The following TSBP1 variants were observed in gnomAD, a reference collection of about 807,000 sequenced individuals.
TSBP1 encodes the protein testis expressed basic protein 1.
Under a neutral mutation model 68.8 loss-of-function variants are expected in TSBP1, and 56 were observed. That is an observed-to-expected ratio of 0.81 (90% CI 0.66 to 1.02). The LOEUF (loss-of-function observed/expected upper bound fraction) is 1.02, where lower values mean the gene tolerates loss of function less well. Ranked by LOEUF, TSBP1 falls within the 50% of genes least tolerant of loss-of-function variation. The pLI, the probability that TSBP1 is intolerant of heterozygous loss-of-function variation, is 0.00. For missense variants in TSBP1, 502 were observed against 641.2 expected, an observed-to-expected ratio of 0.78 and a Z score of 2.34; for synonymous variants, 171 against 208.7, an observed-to-expected ratio of 0.82 and a Z score of 1.56.
rs1293543368 is a variant in TSBP1 at position 32,306,919 on chromosome 6, C to T, written c.581-4290G>A. ...TTGCAGTATTTCCATTTTTTTAGTG[C>T]ATTTTCTTATGATTTTGAGGAAATT... On this transcript the variant is annotated intron_variant, in intron 19 of 22. Transcript: ENST00000612031. This position sits in a 1 kb window ranked among gnomAD's most constrained non-coding sequence, Gnocchi z 5.1. Among the ~76,000 whole-genome samples, 1 of 152,078 alleles carries T rather than the reference C, an allele frequency of 6.6e-6. No homozygotes were observed. The highest frequency in any genetic ancestry group is 1.5e-5 in the Non-Finnish European group (1 of 68,010).
chr6:32,355,523 T>C, intron 7 of TSBP1, 126 bp downstream of exon 7: 2 of 1,229,100 alleles, frequency 1.6e-6, no homozygotes, highest in Non-Finnish European at 2.3e-6. Context: ...GAAAACTTTA[T>C]CTATTGCTTA....
Position 32,295,913 on chromosome 6 carries a change from C to T in TSBP1, c.638-1878G>A, listed in dbSNP as rs866382336. Among the ~76,000 whole-genome samples the T allele has an allele frequency of 3.2e-4, 48 of 148,624 alleles. 1 individual carries two copies. Among genetic ancestry groups the T allele is most frequent in the African/African-American group, 1.1e-3 (46 of 40,156 alleles). On this transcript the variant is annotated intron_variant, in intron 22 of 22. Coordinates refer to ENST00000612031, the Ensembl canonical transcript of TSBP1. The stretch of plus-strand genomic sequence containing the variant: ...AGGCTGGAGTGCAATGGCACGATCT[C>T]GGCTCACCGCAACCTTTGCCTCCCG...
intron 16 of TSBP1, among the ~76,000 whole-genome samples, chr6:32,329,992 G>A (rs1768742264): frequency 6.6e-6 from 1 of 151,618 alleles, no homozygotes; most frequent in Non-Finnish European, 1.5e-5. Flanking sequence ...TGTTCCATGA[G>A]GTGCTCTGTC....
chr6:32,368,943 T>C, intron 2 of TSBP1, 129 bp from the exon 3 acceptor site: 2 of 1,112,296 alleles, frequency 1.8e-6, no homozygotes, highest in Non-Finnish European at 2.5e-6. Flanking sequence ...TAATGCATTG[T>C]TGTTCTCACC....
intron 22 of TSBP1, among the ~76,000 whole-genome samples, chr6:32,294,555 C>A (rs899002350): frequency 6.6e-6 from 1 of 152,192 alleles, no homozygotes; most frequent in Non-Finnish European, 1.5e-5. Context: ...TGTATTAAAT[C>A]ATTTGATACT....
rs1769340881 is a variant in TSBP1, at chr6:32,333,849, C to T, written c.472+1588G>A. On this transcript the variant is annotated intron_variant, in intron 14 of 22. Transcript: ENST00000612031. This position sits in a 1 kb window ranked among gnomAD's most constrained non-coding sequence, Gnocchi z 4.2. ...AAATATCCACATTTTGATCAATAAT[C>T]CTCGAACTTTTAACTCTGAATTTTT... The T allele has an allele frequency of 6.3e-6, 1 of 158,992 alleles. No individual in the cohort carries two copies. 9.8% of individuals were successfully genotyped at this position (158,992 alleles called of 1,614,324 possible).
At chr6:32,311,703 T>C (rs1382841055) in intron 19 of TSBP1, among the ~76,000 whole-genome samples, 1 of 152,086 alleles carries the variant, frequency 6.6e-6, no homozygotes, top group Non-Finnish European at 1.5e-5. Context: ...AGGAATGGTG[T>C]TGTAGGGGAG....
At chr6:32,330,959 TG>T (rs1267230611) in intron 15 of TSBP1, among the ~76,000 whole-genome samples, 2 of 152,154 alleles carry the variant, frequency 1.3e-5, no homozygotes, top group Non-Finnish European at 2.9e-5. Context: ...CCACTGCGCC[TG>T]GCCCCAAAAC....
intron 18 of TSBP1, 36 bp downstream of exon 20, chr6:32,322,450 C>G: frequency 6.5e-7 from 1 of 1,528,596 alleles, no homozygotes; most frequent in Non-Finnish European, 9.0e-7. Context: ...TAAGAAAAGT[C>G]CCCACATATG....
chr6:32,370,128 C>A, intron 1 of TSBP1, 145 bp from the exon 2 acceptor site: 1 of 639,148 alleles, frequency 1.6e-6, no homozygotes, highest in Non-Finnish European at 2.8e-6. Context: ...CTTTTATTTG[C>A]CGCATATTAC....
chr6:32,355,196 T>TA (rs773053050), intron 7 of TSBP1, 52 bp from the exon 8 acceptor site: 1 of 1,583,104 alleles, frequency 6.3e-7, no homozygotes. Flanking sequence ...TTTGGATCCC[T>TA]AATCTTTACA....
intron 20 of TSBP1, among the ~76,000 whole-genome samples, chr6:32,301,346 G>C (rs941568391): frequency 6.6e-6 from 1 of 152,038 alleles, no homozygotes; most frequent in Non-Finnish European, 1.5e-5. Context: ...AAATATTTAA[G>C]ATACAGTTGT....
intron 2 of TSBP1, 88 bp from the exon 3 acceptor site, chr6:32,368,902 C>T (rs907332191): frequency 6.9e-7 from 1 of 1,449,774 alleles, no homozygotes; most frequent in African/African-American, 1.4e-5. Flanking sequence ...CTAAGCTATG[C>T]TTCTTGCTTA....
intron 16 of TSBP1, 115 bp from the exon 18 acceptor site, chr6:32,323,729 G>A: frequency 1.2e-6 from 1 of 839,244 alleles, no homozygotes; most frequent in Admixed American, 2.4e-5. Flanking sequence ...CTTTCCCTTT[G>A]GTATTCATTT....
At position 32,350,170 on chromosome 6, in the gene TSBP1, G is replaced by A. The variant is rs189322399; in HGVS notation, c.260-341C>T. 6.6e-5 allele frequency: 32 copies of A among 486,600 alleles called. No homozygotes were observed. In the East Asian group the frequency reaches 7.1e-4, roughly 11 times the overall value. 30.1% of individuals were successfully genotyped at this position (486,600 alleles called of 1,614,324 possible). A position where few individuals can be genotyped will look rare whatever the true frequency, so the allele number is the denominator to read the frequency against. ...TTTTCTTTCTGTTTTCCCTTTGTTCGAAAAGATTTTTTGTTACACCAAACA... is the reference window on the plus strand; with the variant it reads ...TTTTCTTTCTGTTTTCCCTTTGTTCAAAAAGATTTTTTGTTACACCAAACA... On this transcript the variant is annotated intron_variant, in intron 8 of 22. Transcript: ENST00000612031.
intron 19 of TSBP1, among the ~76,000 whole-genome samples, chr6:32,305,715 C>T (rs188563020): frequency 2.5e-4 from 38 of 152,262 alleles, no homozygotes; most frequent in Admixed American, 2.0e-3. Flanking sequence ...AGGCTGGTCT[C>T]GAACTCCTGA....
At chr6:32,296,559 C>T (rs781438157) in intron 22 of TSBP1, among the ~76,000 whole-genome samples, 1 of 152,148 alleles carries the variant, frequency 6.6e-6, no homozygotes, top group Non-Finnish European at 1.5e-5. Context: ...TTTTGATCTT[C>T]GACAGTGCTA....
chr6:32,330,774 G>T (rs1373934908), intron 15 of TSBP1, among the ~76,000 whole-genome samples, 165 bp from the exon 17 acceptor site: 1 of 151,986 alleles, frequency 6.6e-6, no homozygotes, highest in East Asian at 1.9e-4. Context: ...GGGTTCAAGG[G>T]ATTCTCGTGC....
chr6:32,366,359 AT>A, intron 4 of TSBP1, 57 bp from the exon 5 acceptor site: 1 of 1,473,204 alleles, frequency 6.8e-7, no homozygotes. Context: ...AGTCTATATT[AT>A]TTTTTGTTAG....
Sources: allele counts gnomAD v4.1 joint callset (sites outside exome capture counted in the v4.1 genomes callset), GRCh38; gene constraint gnomAD v4.1.1; non-coding constraint Gnocchi (gnomAD v3.1); transcripts MANE v1.5; gene names NCBI Gene and HGNC (gene_info 2026-07-23, HGNC 2026-07-21).